WDPCP: variants seen among roughly 807,000 people sequenced by gnomAD.
The protein encoded by WDPCP is WD repeat-containing and planar cell polarity effector protein fritz homolog.
WDPCP carries 71 observed loss-of-function variants against 93.1 expected under a neutral mutation model. That is an observed-to-expected ratio of 0.76 (90% confidence interval 0.63 to 0.93). The LOEUF is 0.93. Ranked by LOEUF, WDPCP falls within the 40% of genes least tolerant of loss-of-function variation. WDPCP has a pLI of 0.00. For missense variants in WDPCP, 844 were observed against 887.4 expected, an observed-to-expected ratio of 0.95 and a Z score of 0.62; for synonymous variants, 315 against 315.0, an observed-to-expected ratio of 1.00 and a Z score of 0.00.
At chr2:63,312,744 T>C (rs1686273687) in intron 13 of WDPCP, among the ~76,000 whole-genome samples, 2 of 152,054 alleles carry the variant, frequency 1.3e-5, no homozygotes, top group Admixed American at 1.3e-4. Flanking sequence ...AGGGCCAGAG[T>C]GTACATGAAT....
At chr2:63,580,553 A>C (rs1364792963) in intron 1 of WDPCP, among the ~76,000 whole-genome samples, 1 of 152,192 alleles carries the variant, frequency 6.6e-6, no homozygotes, top group Admixed American at 6.5e-5. Context: ...CCACAAAAAA[A>C]CATCAAACAA....
At chr2:63,747,056 G>A (rs1270878853) in intron 2 of WDPCP, among the ~76,000 whole-genome samples, 1 of 152,066 alleles carries the variant, frequency 6.6e-6, no homozygotes, top group African/African-American at 2.4e-5. Flanking sequence ...CAGACTGGCT[G>A]ACACTTAGGG....
At chr2:63,527,629 T>C (rs1007577723) in intron 1 of WDPCP, among the ~76,000 whole-genome samples, 3 of 152,204 alleles carry the variant, frequency 2.0e-5, no homozygotes, top group South Asian at 2.1e-4. Context: ...TTGATGGACA[T>C]TTGGGTTGGT....
chr2:63,340,389 C>T (rs1230438123), intron 12 of WDPCP, among the ~76,000 whole-genome samples: 1 of 152,134 alleles, frequency 6.6e-6, no homozygotes, highest in Non-Finnish European at 1.5e-5. Flanking sequence ...CGTGATTTGG[C>T]GTCTCCTTTG....
At chr2:63,236,393 C>T (rs955622639) in intron 14 of WDPCP, among the ~76,000 whole-genome samples, 2 of 152,154 alleles carry the variant, frequency 1.3e-5, no homozygotes, top group African/African-American at 4.8e-5. Context: ...ACTAAAATGT[C>T]CATACCACCC....
chr2:63,603,379 CTTTA>C (rs1248390740), intron 3 of WDPCP, among the ~76,000 whole-genome samples: 1 of 152,114 alleles, frequency 6.6e-6, no homozygotes, highest in Non-Finnish European at 1.5e-5. Context: ...TACTCAAATG[CTTTA>C]TTTATGTGTG....
Position 63,396,396 on chromosome 2 carries a change from A to G in WDPCP, c.1435+7652T>C, listed in dbSNP as rs150070658. ...ATACACACGTTGCCTGTGATTTTAA[A>G]AATTCTATGAGAGTGAAGATGTTAG... is the stretch of plus-strand genomic sequence containing the variant. On this transcript the variant is annotated intron_variant, in intron 10 of 17. Transcript: ENST00000272321. 1.6e-3 allele frequency among the ~76,000 whole-genome samples: 242 copies of G among 152,330 alleles called. 1 individual carries two copies. The highest frequency in any genetic ancestry group is 2.9e-3 in the Non-Finnish European group (199 of 68,022).
chr2:63,340,011 T>TGACTAA (rs1465369255), intron 12 of WDPCP, among the ~76,000 whole-genome samples: 1 of 152,262 alleles, frequency 6.6e-6, no homozygotes, highest in Non-Finnish European at 1.5e-5. Context: ...CGTCAGTCAC[T>TGACTAA]GGATTTTTAC....
At chr2:63,297,160 G>A (rs982032100) in intron 13 of WDPCP, among the ~76,000 whole-genome samples, 2 of 152,222 alleles carry the variant, frequency 1.3e-5, no homozygotes, top group African/African-American at 4.8e-5. Context: ...GGATGGTCCA[G>A]AGGTGGTGAG....
At chr2:63,595,347 A>C in intron 3 of WDPCP, 1 of 916,786 alleles carries the variant, frequency 1.1e-6, no homozygotes, top group Non-Finnish European at 1.8e-6. Flanking sequence ...TACCAAATAA[A>C]AACTATGTGA....
At chr2:63,505,385 C>T (rs889154328) in intron 1 of WDPCP, among the ~76,000 whole-genome samples, 6 of 151,882 alleles carry the variant, frequency 4.0e-5, no homozygotes, top group Admixed American at 1.3e-4. Context: ...AGATCAATTT[C>T]GCCGTACTAT....
chr2:63,742,045 A>G (rs1238263891), intron 2 of WDPCP, among the ~76,000 whole-genome samples: 3 of 152,056 alleles, frequency 2.0e-5, no homozygotes, highest in Non-Finnish European at 4.4e-5. Flanking sequence ...AGAGATCTCA[A>G]TCATGTGTGC....
At chr2:63,725,183 G>T (rs1231158128) in intron 2 of WDPCP, among the ~76,000 whole-genome samples, 3 of 151,966 alleles carry the variant, frequency 2.0e-5, no homozygotes, top group African/African-American at 7.2e-5. Context: ...ATAGTTTTTT[G>T]ATGTTCAGCC....
At chr2:63,606,755 A>T in intron 3 of WDPCP, 1 of 679,414 alleles carries the variant, frequency 1.5e-6, no homozygotes, top group Non-Finnish European at 2.2e-6. Flanking sequence ...TTACTTTAGA[A>T]TCAGACTTTA....
At chr2:63,638,413 A>G (rs1471273591) in intron 3 of WDPCP, among the ~76,000 whole-genome samples, 1 of 152,124 alleles carries the variant, frequency 6.6e-6, no homozygotes, top group African/African-American at 2.4e-5. Flanking sequence ...TCATTTCACA[A>G]TCTATACATA....
At chr2:63,714,555 G>A (rs1669307678) in intron 2 of WDPCP, among the ~76,000 whole-genome samples, 1 of 152,046 alleles carries the variant, frequency 6.6e-6, no homozygotes, top group Non-Finnish European at 1.5e-5. Flanking sequence ...CATAAGAACT[G>A]AAAACAGTTA....
intron 2 of WDPCP, among the ~76,000 whole-genome samples, chr2:63,662,147 C>A (rs919244966): frequency 6.6e-6 from 1 of 152,078 alleles, no homozygotes; most frequent in African/African-American, 2.4e-5. Flanking sequence ...CCACAACAAG[C>A]CAGTACAGAG....
intron 3 of WDPCP, among the ~76,000 whole-genome samples, chr2:63,616,639 T>A (rs927789152): frequency 2.6e-5 from 4 of 152,248 alleles, no homozygotes; most frequent in Non-Finnish European, 5.9e-5. Flanking sequence ...ACTTTGCTTA[T>A]GTGGAAAGAG....
At chr2:63,782,376 C>T (rs897980346) in intron 2 of WDPCP, among the ~76,000 whole-genome samples, 2 of 152,122 alleles carry the variant, frequency 1.3e-5, no homozygotes, top group Non-Finnish European at 1.5e-5. Context: ...AGTGAGCATA[C>T]AACCTACAGA....
Sources: allele counts gnomAD v4.1 joint callset (sites outside exome capture counted in the v4.1 genomes callset), GRCh38; gene constraint gnomAD v4.1.1; transcripts MANE v1.5; gene names NCBI Gene and HGNC (gene_info 2026-07-23, HGNC 2026-07-21).